Variants in DPP6 observed in about 807,000 individuals in gnomAD.
DPP6 encodes dipeptidyl peptidase like 6.
DPP6 carries 69 observed loss-of-function variants against 122.6 expected under a neutral mutation model. The ratio of observed to expected loss-of-function variants is 0.56; its 90% CI spans 0.46 to 0.69. The LOEUF is 0.69. DPP6 is among the 30% of genes least tolerant of loss of function. The pLI is 0.00. For missense variants in DPP6, 928 were observed against 1,116.9 expected (o/e 0.83, Z 2.41); for synonymous variants, 418 against 433.1 (o/e 0.97, Z 0.43).
chr7:154,163,237 C>A (rs59238332), intron 1 of DPP6, among the ~76,000 whole-genome samples: 6,518 of 152,070 alleles, frequency 0.043, 340 homozygotes, highest in African/African-American at 0.12. Flanking sequence ...AACTTGACAT[C>A]CAGAATTTAT....
chr7:153,956,863 G>A (rs1802484632), intron 1 of DPP6, among the ~76,000 whole-genome samples: 1 of 152,130 alleles, frequency 6.6e-6, no homozygotes, highest in Non-Finnish European at 1.5e-5. Context: ...TTGCTGTCTG[G>A]AAGGGTCATT....
chr7:154,459,805 CA>C (rs775605275), intron 2 of DPP6, among the ~76,000 whole-genome samples: 2,481 of 63,014 alleles, frequency 0.039, 23 homozygotes, highest in African/African-American at 0.065. Flanking sequence ...GATTCCATCT[CA>C]AAAAAAAAAA....
chr7:153,932,201 A>G (rs1280464677), intron 1 of DPP6, among the ~76,000 whole-genome samples: 1 of 148,244 alleles, frequency 6.7e-6, no homozygotes, highest in Admixed American at 6.8e-5. Context: ...GCTCACCACA[A>G]CCTCCACCTC....
At chr7:154,681,863 A>T (rs528743156) in intron 7 of DPP6, among the ~76,000 whole-genome samples, 1 of 152,258 alleles carries the variant, frequency 6.6e-6, no homozygotes, top group East Asian at 1.9e-4. Context: ...TCTTTGTTTT[A>T]TTATTCAACT....
chr7:154,262,655 CAAAAA>C lies in DPP6; in HGVS notation c.244-183546_244-183542del, dbSNP rs200633251. Reference sequence around the variant, plus strand: ...ATGTTAGAAAGTGTCAAATGAAGTTCAAAAAAAAAAAAAAAAAGACTAGAGACTCT... The same window carrying C: ...ATGTTAGAAAGTGTCAAATGAAGTTCAAAAAAAAAAAAGACTAGAGACTCT... On this transcript the variant is annotated intron_variant, in intron 1 of 25. Transcript: ENST00000377770. Among the ~76,000 whole-genome samples the C allele has an allele frequency of 1.4e-3, 185 of 129,216 alleles. 1 individual carries two copies. The highest frequency in any genetic ancestry group is 0.012 in the East Asian group (49 of 4,254). 84.8% of individuals were successfully genotyped at this position (129,216 alleles called of 152,430 possible).
At chr7:154,365,723 G>A (rs1347137425) in intron 1 of DPP6, among the ~76,000 whole-genome samples, 1 of 151,936 alleles carries the variant, frequency 6.6e-6, no homozygotes, top group Non-Finnish European at 1.5e-5. Flanking sequence ...GGAGGCCGAG[G>A]CGGGCGGATC....
chr7:153,854,589 C>T, the DPP6 span, among the ~76,000 whole-genome samples: 2 of 126,672 alleles, frequency 1.6e-5, no homozygotes, highest in African/African-American at 6.2e-5. Context: ...CAGGAAACAA[C>T]AGGTGCTGGA....
At chr7:154,518,699 A>C (rs1452407155) in intron 3 of DPP6, among the ~76,000 whole-genome samples, 3 of 152,320 alleles carry the variant, frequency 2.0e-5, no homozygotes, top group East Asian at 3.9e-4. Flanking sequence ...TAAGTTACTC[A>C]GATGTCTGGG....
chr7:154,193,966 T>C (rs1477478011), intron 1 of DPP6, among the ~76,000 whole-genome samples: 3 of 151,886 alleles, frequency 2.0e-5, no homozygotes, highest in Non-Finnish European at 4.4e-5. Context: ...ATAGGCAAAA[T>C]AGCAACTCTT....
chr7:154,523,459 A>G (rs1054427842), intron 3 of DPP6, among the ~76,000 whole-genome samples: 9 of 152,188 alleles, frequency 5.9e-5, no homozygotes, highest in African/African-American at 2.2e-4. Context: ...CTTCCCATAC[A>G]TCCACAGGAA....
At chr7:154,449,662 A>C (rs1340405049) in intron 2 of DPP6, among the ~76,000 whole-genome samples, 1 of 152,154 alleles carries the variant, frequency 6.6e-6, no homozygotes, top group Non-Finnish European at 1.5e-5. Flanking sequence ...TAATGATAAT[A>C]GCCAAAAAAG....
chr7:154,561,763 A>G (rs1830440675), intron 4 of DPP6, among the ~76,000 whole-genome samples: 1 of 152,180 alleles, frequency 6.6e-6, no homozygotes, highest in South Asian at 2.1e-4. Context: ...GGAAAAGATC[A>G]ATAAAATCAA....
At chr7:154,722,344 T>A (rs1325784167) in intron 7 of DPP6, among the ~76,000 whole-genome samples, 1 of 152,194 alleles carries the variant, frequency 6.6e-6, no homozygotes, top group Admixed American at 6.5e-5. Context: ...CATCGTGTAG[T>A]CTGGAGCACA....
Position 154,065,294 on chromosome 7 carries a change from CCA to C in DPP6, c.243+12232_243+12233del, listed in dbSNP as rs1313063920. Among the ~76,000 whole-genome samples, 19 of 114,182 alleles carry C rather than the reference CCA, an allele frequency of 1.7e-4. 1 individual carries two copies. Among genetic ancestry groups the C allele is most frequent in the African/African-American group, 5.3e-4 (15 of 28,054 alleles). The allele number at this position is 114,182 out of a possible 152,430, so 74.9% of individuals were successfully genotyped here. On this transcript the variant is annotated intron_variant, in intron 1 of 25. Coordinates refer to ENST00000377770, the MANE Select transcript of DPP6 (RefSeq NM_130797.4). ...CCCTGGGAGCAAGCAGGGACACCTC[CCA>C]TCACTCTTTGAGGGCCCTGGGAGCA...
chr7:154,740,423 T>C (rs1412382936), intron 8 of DPP6, among the ~76,000 whole-genome samples: 2 of 152,184 alleles, frequency 1.3e-5, no homozygotes, highest in African/African-American at 4.8e-5. Context: ...AGACAATATG[T>C]ACTTAAAAGA....
intron 1 of DPP6, among the ~76,000 whole-genome samples, chr7:153,921,623 A>G (rs1800643418): frequency 6.6e-6 from 1 of 152,232 alleles, no homozygotes; most frequent in African/African-American, 2.4e-5. Flanking sequence ...TTCACAGCCT[A>G]AATATACCTG....
intron 5 of DPP6, among the ~76,000 whole-genome samples, chr7:154,634,683 C>T (rs1835629423): frequency 6.6e-6 from 1 of 152,004 alleles, no homozygotes; most frequent in Non-Finnish European, 1.5e-5. Flanking sequence ...CCTTCTCCTT[C>T]TCCTTCGTCT....
intron 1 of DPP6, among the ~76,000 whole-genome samples, chr7:154,355,286 C>T (rs931847312): frequency 1.3e-5 from 2 of 152,222 alleles, no homozygotes; most frequent in Non-Finnish European, 2.9e-5. Context: ...ATGAGACCTT[C>T]ATCAGATACA....
intron 1 of DPP6, among the ~76,000 whole-genome samples, chr7:154,379,450 A>G (rs1362371411): frequency 6.6e-5 from 10 of 152,170 alleles, no homozygotes; most frequent in Non-Finnish European, 1.2e-4. Context: ...TGGCACATGT[A>G]TACATATGTA....
Sources: gnomAD v4.1 joint callset for allele counts (sites outside exome capture counted in the v4.1 genomes callset) on GRCh38, gnomAD v4.1.1 for gene constraint, MANE v1.5 for transcripts, NCBI Gene and HGNC (gene_info 2026-07-23, HGNC 2026-07-21) for gene names.